SFMBT2: variants seen among roughly 807,000 people sequenced by gnomAD.
SFMBT2 encodes the protein scm-like with four MBT domains protein 2.
A neutral mutation model predicts 110.1 loss-of-function variants in SFMBT2; 38 were observed. The ratio of observed to expected loss-of-function variants is 0.35; its 90% CI spans 0.27 to 0.45. The LOEUF is 0.45. Among genes scored for constraint, SFMBT2 ranks in the 20% least tolerant of loss-of-function variants. The pLI, the probability that SFMBT2 is intolerant of heterozygous loss-of-function variation, is 1.00. For missense variants in SFMBT2, 1,011 were observed against 1,094.9 expected, an observed-to-expected ratio of 0.92 and a Z score of 1.08; for synonymous variants, 425 against 425.4, an observed-to-expected ratio of 1.00 and a Z score of 0.01.
intron 13 of SFMBT2, 120 bp from the exon 14 acceptor site, chr10:7,200,604 G>A (rs4494229): frequency 2.7e-6 from 2 of 735,362 alleles, no homozygotes; most frequent in Admixed American, 3.6e-5. Context: ...GAGGACCATA[G>A]AATAGAATGT....
intron 2 of SFMBT2, among the ~76,000 whole-genome samples, chr10:7,377,532 G>A (rs2008147): frequency 0.066 from 9,997 of 152,156 alleles, 462 homozygotes; most frequent in Non-Finnish European, 0.1. Context: ...GGGAATCCTG[G>A]GCTTGTTTTC....
At chr10:7,297,662 T>C (rs114204265) in intron 4 of SFMBT2, among the ~76,000 whole-genome samples, 2,098 of 152,166 alleles carry the variant, frequency 0.014, 51 homozygotes, top group African/African-American at 0.049. Context: ...GTTGGAGAGA[T>C]TTTCCTTAAT....
In SFMBT2 at chr10:7,182,684, A is replaced by G. The variant is rs530627505; in HGVS notation, c.1808+5940T>C. On this transcript the variant is annotated intron_variant, in intron 16 of 20. Coordinates refer to ENST00000397167, the MANE Select transcript of SFMBT2 (RefSeq NM_001387889.1). The stretch of plus-strand genomic sequence containing the variant: ...TTGAACAATGAGAACACATGGACAC[A>G]GGTAGGGGAACATCACACACTGGGG... 1.5e-3 allele frequency among the ~76,000 whole-genome samples: 181 copies of G among 120,310 alleles called. 1 individual carries two copies. Among genetic ancestry groups the G allele is most frequent in the African/African-American group, 5.7e-3 (176 of 31,084 alleles). 78.9% of individuals were successfully genotyped at this position (120,310 alleles called of 152,430 possible).
At chr10:7,211,784 T>G (rs1405783671) in intron 11 of SFMBT2, among the ~76,000 whole-genome samples, 2 of 152,242 alleles carry the variant, frequency 1.3e-5, no homozygotes, top group African/African-American at 4.8e-5. Context: ...CTTGTTTCAA[T>G]TTTGCAAGTA....
chr10:7,181,765 A>G (rs536823001), intron 16 of SFMBT2, among the ~76,000 whole-genome samples: 35 of 152,302 alleles, frequency 2.3e-4, no homozygotes, highest in African/African-American at 7.9e-4. Context: ...CCTACAAATT[A>G]GGGTAACTGT....
intron 11 of SFMBT2, among the ~76,000 whole-genome samples, chr10:7,210,041 G>A (rs778623830): frequency 2.0e-5 from 3 of 152,302 alleles, no homozygotes; most frequent in South Asian, 4.1e-4. Context: ...AAGACTTTCC[G>A]TACTCACAAT....
intron 1 of SFMBT2, among the ~76,000 whole-genome samples, chr10:7,400,131 T>C (rs949415086): frequency 6.6e-6 from 1 of 152,138 alleles, no homozygotes; most frequent in African/African-American, 2.4e-5. Flanking sequence ...CTGAAAAATA[T>C]GTAGTGGCCA....
At chr10:7,305,483 C>T (rs189418858) in intron 4 of SFMBT2, among the ~76,000 whole-genome samples, 1 of 152,310 alleles carries the variant, frequency 6.6e-6, no homozygotes, top group East Asian at 1.9e-4. Context: ...CTCCAGCCCC[C>T]TAGCAAGCTG....
At chr10:7,317,311 C>A (rs560914422) in intron 4 of SFMBT2, among the ~76,000 whole-genome samples, 1 of 152,184 alleles carries the variant, frequency 6.6e-6, no homozygotes, top group African/African-American at 2.4e-5. Flanking sequence ...ATTTAAGATC[C>A]TTATTTTTAA....
rs139832744 is a variant in SFMBT2 at position 7,390,167 on chromosome 10, A to T, written c.-51-8218T>A. Among the ~76,000 whole-genome samples, 3 of 152,184 alleles carry T rather than the reference A, an allele frequency of 2.0e-5. No homozygotes were observed. In the East Asian group the frequency reaches 5.8e-4, roughly 29 times the overall value. ...GGAAGCGTATCTAGTACTGTTGAGG[A>T]CCTGAATTTTAATTTTAATGACCTT... On this transcript the variant is annotated intron_variant, in intron 1 of 20. Transcript: ENST00000397167.
At chr10:7,328,948 C>A (rs1322697257) in intron 4 of SFMBT2, among the ~76,000 whole-genome samples, 1 of 152,182 alleles carries the variant, frequency 6.6e-6, no homozygotes, top group Non-Finnish European at 1.5e-5. Context: ...CTTGTGAGAT[C>A]CAAGCAGCCC....
chr10:7,190,079 T>C (rs1263160003), intron 15 of SFMBT2, among the ~76,000 whole-genome samples: 1 of 152,210 alleles, frequency 6.6e-6, no homozygotes, highest in African/African-American at 2.4e-5. Flanking sequence ...GCGACGGCCT[T>C]TTCTCTGCCT....
At chr10:7,205,393 G>T (rs1214589715) in intron 12 of SFMBT2, 1 of 984,708 alleles carries the variant, frequency 1.0e-6, no homozygotes, top group Non-Finnish European at 1.2e-6. Flanking sequence ...GCCTAGCCTG[G>T]TTAAGTGTTT....
intron 15 of SFMBT2, chr10:7,189,210 G>T: frequency 1.0e-6 from 1 of 984,298 alleles, no homozygotes; most frequent in Non-Finnish European, 1.2e-6. Flanking sequence ...AACAAATTGT[G>T]TGAAACTCTC....
intron 7 of SFMBT2, among the ~76,000 whole-genome samples, chr10:7,275,435 C>T (rs1234776942): frequency 1.3e-5 from 2 of 151,586 alleles, no homozygotes; most frequent in Admixed American, 6.6e-5. Flanking sequence ...TTCTCTTCAT[C>T]GTTTTTGTAA....
intron 9 of SFMBT2, among the ~76,000 whole-genome samples, chr10:7,235,303 G>A (rs1009663239): frequency 6.6e-6 from 1 of 152,026 alleles, no homozygotes; most frequent in Non-Finnish European, 1.5e-5. Context: ...TTCAATCCAG[G>A]GCACATGGAA....
At chr10:7,249,901 G>A (rs1395635716) in intron 7 of SFMBT2, among the ~76,000 whole-genome samples, 1 of 152,210 alleles carries the variant, frequency 6.6e-6, no homozygotes, top group African/African-American at 2.4e-5. Flanking sequence ...GATGAATGCT[G>A]GGGCCATGTC....
rs35145669 is a variant in SFMBT2, at chr10:7,344,958, CAAAAAAAAAAAA to C, written c.436+22679_436+22690del. ...TGGGCGACAGAGCGAGACTCTGTCT[CAAAAAAAAAAAA>C]AAAAAAAAAAGAGCTGTGGCACATG... On this transcript the variant is annotated intron_variant, in intron 4 of 20. Coordinates refer to ENST00000397167, the MANE Select transcript of SFMBT2 (RefSeq NM_001387889.1). Among the ~76,000 whole-genome samples the C allele has an allele frequency of 3.6e-4, 19 of 53,244 alleles. 1 individual carries two copies. The highest frequency in any genetic ancestry group is 1.1e-3 in the African/African-American group (15 of 13,122). 34.9% of individuals were successfully genotyped at this position (53,244 alleles called of 152,430 possible). A position where few individuals can be genotyped will look rare whatever the true frequency, so the allele number is the denominator to read the frequency against.
chr10:7,275,068 C>T (rs1430266023), intron 7 of SFMBT2, among the ~76,000 whole-genome samples: 10 of 152,162 alleles, frequency 6.6e-5, no homozygotes, highest in East Asian at 1.9e-4. Context: ...CAGGCTGGAA[C>T]GCCACAAAGA....
Sources: gnomAD v4.1 joint callset for allele counts (sites outside exome capture counted in the v4.1 genomes callset) on GRCh38, gnomAD v4.1.1 for gene constraint, MANE v1.5 for transcripts, NCBI Gene and HGNC (gene_info 2026-07-23, HGNC 2026-07-21) for gene names.